COL8A1: variants seen among roughly 807,000 people sequenced by gnomAD.
The protein encoded by COL8A1 is collagen alpha-1(VIII) chain.
In COL8A1, 21 loss-of-function variants were observed where a neutral mutation model predicts 42.7. That is an observed-to-expected ratio of 0.49 (90% CI 0.35 to 0.71). COL8A1 has a LOEUF of 0.71. Ranked by LOEUF, COL8A1 falls within the 30% of genes least tolerant of loss-of-function variation. The pLI, the probability that COL8A1 is intolerant of heterozygous loss-of-function variation, is 0.01. For missense variants in COL8A1, 788 were observed against 962.4 expected, an observed-to-expected ratio of 0.82 and a Z score of 2.40; for synonymous variants, 367 against 369.1, an observed-to-expected ratio of 0.99 and a Z score of 0.06.
chr3:99,776,858 AC>A (rs1433278955), intron 2 of COL8A1, among the ~76,000 whole-genome samples: 2 of 152,160 alleles, frequency 1.3e-5, no homozygotes, highest in East Asian at 3.9e-4. Flanking sequence ...CCCTTTTTAG[AC>A]CGTATAGTGT....
At chr3:99,793,223 G>A (rs984725067) in intron 3 of COL8A1, among the ~76,000 whole-genome samples, 1 of 152,090 alleles carries the variant, frequency 6.6e-6, no homozygotes, top group Non-Finnish European at 1.5e-5. Flanking sequence ...ATAGAATAGC[G>A]AGTATAGTTA....
At chr3:99,652,962 T>G (rs1235506630) in intron 1 of COL8A1, among the ~76,000 whole-genome samples, 1 of 152,202 alleles carries the variant, frequency 6.6e-6, no homozygotes, top group Admixed American at 6.5e-5. Context: ...TAAGAAGCCC[T>G]GAGATGAAGT....
At chr3:99,680,466 G>A (rs1261863892) in intron 1 of COL8A1, 1 of 152,164 alleles carries the variant, frequency 6.6e-6, no homozygotes, top group East Asian at 1.9e-4. Flanking sequence ...ACATGTGCAT[G>A]TGTCTTCATA....
chr3:99,797,629 T>C lies in COL8A1; in HGVS notation c.*1493T>C, dbSNP rs996138851. The stretch of plus-strand genomic sequence containing the variant: ...GTGAGGGGGGAGTTTCAGAATTACA[T>C]AGAAAAATTAATATTTGAAAAAATA... On this transcript the variant is annotated 3_prime_UTR_variant, in exon 4 of 4. Transcript: ENST00000652472. 1.3e-5 allele frequency: 2 copies of C among 152,154 alleles called. No individual in the cohort carries two copies. Among genetic ancestry groups the C allele is most frequent in the South Asian group, 2.1e-4 (1 of 4,834 alleles). 9.4% of individuals were successfully genotyped at this position (152,154 alleles called of 1,614,324 possible).
At chr3:99,774,316 G>A (rs949596959) in intron 2 of COL8A1, among the ~76,000 whole-genome samples, 1 of 151,400 alleles carries the variant, frequency 6.6e-6, no homozygotes, top group Non-Finnish European at 1.5e-5. Context: ...GTCATTCTTA[G>A]CCTGACTCAG....
At chr3:99,693,633 A>G (rs185963923) in intron 1 of COL8A1, among the ~76,000 whole-genome samples, 1 of 152,252 alleles carries the variant, frequency 6.6e-6, no homozygotes, top group African/African-American at 2.4e-5. Context: ...GTAGTGCTGT[A>G]CAATGTTTGT....
At chr3:99,723,863 T>C (rs1235668540) in intron 1 of COL8A1, among the ~76,000 whole-genome samples, 1 of 152,122 alleles carries the variant, frequency 6.6e-6, no homozygotes, top group Non-Finnish European at 1.5e-5. Flanking sequence ...CAAATTCTCT[T>C]CATCTTGCAG....
intron 2 of COL8A1, among the ~76,000 whole-genome samples, chr3:99,773,819 A>ATATATATATATATATATATAT (rs1553682075): frequency 1.8e-4 from 10 of 56,402 alleles, no homozygotes; most frequent in African/African-American, 5.0e-4. Context: ...ATGTGTGTAT[A>ATATATATATATATATATATAT]TATATATATA....
At position 99,794,270 on chromosome 3, in the gene COL8A1, T is replaced by C. The variant is rs1344275512; in HGVS notation, c.369T>C (p.Arg123=). 6.2e-7 allele frequency: 1 copy of C among 1,607,308 alleles called. No homozygotes were observed. Among genetic ancestry groups the C allele is most frequent in the Non-Finnish European group, 8.5e-7 (1 of 1,177,256 alleles). The part of the protein sequence containing the change: ...LASLRGEQGP[R]GEPGPRGPPG... The stretch of plus-strand genomic sequence containing the variant: ...GTTTACGAGGGGAACAAGGTCCCCG[T>C]GGAGAGCCTGGCCCAAGAGGACCAC... The change falls in exon 4 of 4, where the codon CGT becomes CGC. Residue 123 remains arginine (R), a synonymous_variant. Transcript: ENST00000652472. The surrounding 1 kb of genome is among the most constrained non-coding windows in gnomAD (Gnocchi z 4.3).
intron 1 of COL8A1, among the ~76,000 whole-genome samples, chr3:99,737,749 T>G (rs1242997676): frequency 1.3e-5 from 2 of 152,112 alleles, no homozygotes; most frequent in Non-Finnish European, 2.9e-5. Flanking sequence ...ATTCTCTGTA[T>G]TTCCTGAATC....
At chr3:99,681,999 C>T (rs935172488) in intron 1 of COL8A1, among the ~76,000 whole-genome samples, 2 of 152,186 alleles carry the variant, frequency 1.3e-5, no homozygotes, top group African/African-American at 2.4e-5. Flanking sequence ...TGCCCTGAGT[C>T]TCACATAATT....
chr3:99,741,704 A>T (rs1300788166), intron 1 of COL8A1, among the ~76,000 whole-genome samples: 2 of 152,216 alleles, frequency 1.3e-5, no homozygotes, highest in African/African-American at 4.8e-5. Flanking sequence ...GTCTCTAGGT[A>T]GCCAGACTTC....
At chr3:99,791,339 G>T (rs1941996654) in intron 3 of COL8A1, among the ~76,000 whole-genome samples, 1 of 152,162 alleles carries the variant, frequency 6.6e-6, no homozygotes, top group African/African-American at 2.4e-5. Flanking sequence ...GTCAGGCTCT[G>T]GGCCAGATGC....
chr3:99,651,916 CTT>C (rs1937859312), intron 1 of COL8A1, among the ~76,000 whole-genome samples: 1 of 152,192 alleles, frequency 6.6e-6, no homozygotes, highest in Admixed American at 6.5e-5. Flanking sequence ...TAATAAAAGA[CTT>C]TATCCTGCTG....
intron 1 of COL8A1, among the ~76,000 whole-genome samples, chr3:99,662,711 G>C (rs1323144922): frequency 2.6e-5 from 4 of 152,130 alleles, no homozygotes; most frequent in African/African-American, 7.2e-5. Context: ...TTCTGTGGAG[G>C]GCTGAGAGAA....
At chr3:99,657,275 A>G (rs2107296617) in intron 1 of COL8A1, among the ~76,000 whole-genome samples, 2 of 152,334 alleles carry the variant, frequency 1.3e-5, no homozygotes, top group East Asian at 3.9e-4. Flanking sequence ...ACAATCTAAC[A>G]TAGTCATGTG....
At chr3:99,783,004 CAAA>C (rs372519285) in intron 2 of COL8A1, among the ~76,000 whole-genome samples, 1 of 146,826 alleles carries the variant, frequency 6.8e-6, no homozygotes, top group Non-Finnish European at 1.5e-5. Context: ...GTTAGAGAAA[CAAA>C]AAAAAAATTA....
intron 1 of COL8A1, among the ~76,000 whole-genome samples, chr3:99,653,606 G>T (rs1372719864): frequency 6.6e-6 from 1 of 151,526 alleles, no homozygotes. Flanking sequence ...TGTGTGGTGG[G>T]CAGCTGTGGC....
intron 2 of COL8A1, among the ~76,000 whole-genome samples, chr3:99,760,902 C>A (rs762196513): frequency 6.6e-6 from 1 of 152,174 alleles, no homozygotes; most frequent in African/African-American, 2.4e-5. Context: ...ACAAACAGGG[C>A]TTTTACATAG....
Sources: allele counts gnomAD v4.1 joint callset (sites outside exome capture counted in the v4.1 genomes callset), GRCh38; gene constraint gnomAD v4.1.1; non-coding constraint Gnocchi (gnomAD v3.1); transcripts MANE v1.5; gene names NCBI Gene and HGNC (gene_info 2026-07-23, HGNC 2026-07-21).